The following GSK3B variants were observed in gnomAD, a reference collection of about 807,000 sequenced individuals.
The protein encoded by GSK3B is glycogen synthase kinase-3 beta.
Under a neutral mutation model 56.4 loss-of-function variants are expected in GSK3B, and 15 were observed. The ratio of observed to expected loss-of-function variants is 0.27; its 90% confidence interval spans 0.18 to 0.41. GSK3B has a LOEUF of 0.41. GSK3B is among the 10% of genes least tolerant of loss of function. The pLI is 1.00. For missense variants in GSK3B, 300 were observed against 513.4 expected, an observed-to-expected ratio of 0.58 and a Z score of 4.02; for synonymous variants, 181 against 188.9, an observed-to-expected ratio of 0.96 and a Z score of 0.34.
chr3:120,061,431 T>C (rs761909198), intron 1 of GSK3B, among the ~76,000 whole-genome samples: 14 of 152,248 alleles, frequency 9.2e-5, no homozygotes, highest in Non-Finnish European at 1.6e-4. Context: ...TGCAATGTGC[T>C]ATTTTCACTA....
intron 9 of GSK3B, among the ~76,000 whole-genome samples, chr3:119,860,263 A>T (rs768449284): frequency 6.6e-6 from 1 of 152,170 alleles, no homozygotes; most frequent in Non-Finnish European, 1.5e-5. Context: ...CTGTTTCCTA[A>T]GGTCTGATTC....
intron 2 of GSK3B, among the ~76,000 whole-genome samples, chr3:119,960,410 T>TA (rs904076839): frequency 2.8e-4 from 41 of 147,176 alleles, no homozygotes; most frequent in South Asian, 6.4e-4. Flanking sequence ...ATGCATGTAA[T>TA]AAAAAAAAAA....
intron 1 of GSK3B, among the ~76,000 whole-genome samples, chr3:120,049,728 T>G (rs369679624): frequency 2.6e-5 from 4 of 152,120 alleles, no homozygotes; most frequent in African/African-American, 9.7e-5. Flanking sequence ...GACAGAAGAA[T>G]AGACAAGGCT....
intron 7 of GSK3B, among the ~76,000 whole-genome samples, chr3:119,905,052 A>G (rs2056668797): frequency 6.6e-6 from 1 of 151,568 alleles, no homozygotes; most frequent in Non-Finnish European, 1.5e-5. Context: ...TTAAAATCTC[A>G]GCTCTACTGT....
intron 10 of GSK3B, among the ~76,000 whole-genome samples, chr3:119,836,196 ATAAC>A (rs1270106487): frequency 6.6e-6 from 1 of 152,230 alleles, no homozygotes; most frequent in East Asian, 1.9e-4. Flanking sequence ...AAGGAGGCTA[ATAAC>A]TAACAAGAAA....
chr3:119,943,439 G>A (rs2057069472), intron 3 of GSK3B, among the ~76,000 whole-genome samples: 2 of 152,118 alleles, frequency 1.3e-5, no homozygotes, highest in Admixed American at 1.3e-4. Flanking sequence ...ATCTTTATGA[G>A]ATCATAAATA....
intron 2 of GSK3B, among the ~76,000 whole-genome samples, chr3:119,999,248 T>C (rs553472568): frequency 5.1e-4 from 77 of 152,234 alleles, no homozygotes; most frequent in African/African-American, 1.6e-3. Flanking sequence ...TCTGATACTA[T>C]GATATAGAAA....
Position 119,840,224 on chromosome 3 carries a change from A to ATT in GSK3B, c.1195+3029_1195+3030dup, listed in dbSNP as rs59879900. On this transcript the variant is annotated intron_variant, in intron 10 of 10. Transcript: ENST00000264235. Reference sequence around the variant, plus strand: ...AAAAAAAACATGTCTGATGCCGAGAATTTTTTTTTTTTTTTTTGAGACAAA... The same window carrying ATT: ...AAAAAAAACATGTCTGATGCCGAGAATTTTTTTTTTTTTTTTTTTGAGACAAA... Among the ~76,000 whole-genome samples the ATT allele has an allele frequency of 4.2e-4, 58 of 138,588 alleles. 1 individual carries two copies. The highest frequency in any genetic ancestry group is 7.4e-4 in the African/African-American group (28 of 37,660). 90.9% of individuals were successfully genotyped at this position (138,588 alleles called of 152,430 possible).
At chr3:119,912,593 T>C (rs2056745863) in intron 6 of GSK3B, 111 bp downstream of exon 6, 1 of 474,094 alleles carries the variant, frequency 2.1e-6, no homozygotes, top group Non-Finnish European at 3.8e-6. Flanking sequence ...AAAAACATTA[T>C]GGGATATATC....
At chr3:119,930,192 T>G (rs1303961875) in intron 3 of GSK3B, among the ~76,000 whole-genome samples, 2 of 152,058 alleles carry the variant, frequency 1.3e-5, no homozygotes, top group Non-Finnish European at 2.9e-5. Flanking sequence ...AAAAGATGAA[T>G]GCCAAGTTCA....
intron 1 of GSK3B, among the ~76,000 whole-genome samples, chr3:120,077,282 A>G (rs944669945): frequency 6.6e-6 from 1 of 152,228 alleles, no homozygotes; most frequent in African/African-American, 2.4e-5. Context: ...GTGTCCATCA[A>G]TGGACGAATG....
chr3:120,056,414 A>G (rs1481733939), intron 1 of GSK3B, among the ~76,000 whole-genome samples: 1 of 152,196 alleles, frequency 6.6e-6, no homozygotes, highest in Admixed American at 6.5e-5. Flanking sequence ...ATCTTGGCTG[A>G]CTGCAACCTC....
intron 8 of GSK3B, among the ~76,000 whole-genome samples, chr3:119,865,671 G>A (rs528801904): frequency 2.0e-5 from 3 of 151,146 alleles, no homozygotes; most frequent in East Asian, 1.9e-4. Context: ...GGGTTTCACC[G>A]TGTTAGCCAG....
intron 1 of GSK3B, among the ~76,000 whole-genome samples, chr3:120,088,472 T>C (rs1324676700): frequency 6.6e-6 from 1 of 152,180 alleles, no homozygotes; most frequent in Non-Finnish European, 1.5e-5. Context: ...ACTCAACAAA[T>C]TTCAAAAGCA....
chr3:119,863,348 A>G, intron 9 of GSK3B, 71 bp downstream of exon 9: 1 of 1,220,258 alleles, frequency 8.2e-7, no homozygotes, highest in Non-Finnish European at 1.2e-6. Flanking sequence ...ATTTTAATTA[A>G]TAGAATGTCA....
chr3:119,858,385 C>T (rs1254624444), intron 9 of GSK3B, among the ~76,000 whole-genome samples: 1 of 152,186 alleles, frequency 6.6e-6, no homozygotes, highest in African/African-American at 2.4e-5. Context: ...TTTGCTGCAG[C>T]TTCTATATCA....
chr3:120,047,454 G>A (rs901586751), intron 1 of GSK3B, among the ~76,000 whole-genome samples: 2 of 152,094 alleles, frequency 1.3e-5, no homozygotes, highest in African/African-American at 4.8e-5. Context: ...CCAATGCCAG[G>A]AGAAGTCAAT....
intron 8 of GSK3B, among the ~76,000 whole-genome samples, chr3:119,865,925 A>C (rs920666065): frequency 4.6e-5 from 7 of 152,240 alleles, no homozygotes; most frequent in Non-Finnish European, 8.8e-5. Context: ...AAAATAATAC[A>C]TGTCAAAAGC....
chr3:120,084,818 CAACT>C (rs1046073212), intron 1 of GSK3B, among the ~76,000 whole-genome samples: 6 of 152,162 alleles, frequency 3.9e-5, no homozygotes, highest in African/African-American at 1.2e-4. Flanking sequence ...ACTTATTCTC[CAACT>C]AACTTATATT....
Sources: allele counts gnomAD v4.1 joint callset (sites outside exome capture counted in the v4.1 genomes callset), GRCh38; gene constraint gnomAD v4.1.1; transcripts MANE v1.5; gene names NCBI Gene and HGNC (gene_info 2026-07-23, HGNC 2026-07-21).